EFCAB5: variants seen among roughly 807,000 people sequenced by gnomAD.
EFCAB5 encodes EF-hand calcium-binding domain-containing protein 5.
EFCAB5 carries 131 observed loss-of-function variants against 167.9 expected under a neutral mutation model. That is an observed-to-expected ratio of 0.78 (90% CI 0.68 to 0.90). The LOEUF is 0.90. Among genes scored for constraint, EFCAB5 ranks in the 40% least tolerant of loss-of-function variants. EFCAB5 has a pLI of 0.00. For synonymous variants in EFCAB5, 574 were observed against 602.8 expected (o/e 0.95, Z 0.70); for missense variants, 1,663 against 1,745.2 (o/e 0.95, Z 0.84).
chr17:30,060,237 T>A (rs548577794), intron 14 of EFCAB5, among the ~76,000 whole-genome samples: 19 of 151,602 alleles, frequency 1.3e-4, no homozygotes, highest in Middle Eastern at 3.2e-3. Flanking sequence ...AAAAAAAATT[T>A]AAAAAAAAGG....
intron 14 of EFCAB5, 63 bp downstream of exon 14, chr17:30,059,764 A>T: frequency 1.5e-5 from 21 of 1,406,188 alleles, no homozygotes; most frequent in Non-Finnish European, 2.0e-5. Flanking sequence ...GTTTCTCAGT[A>T]CACATATACA....
intron 7 of EFCAB5, among the ~76,000 whole-genome samples, chr17:30,032,400 G>A (rs1006491672): frequency 2.0e-5 from 3 of 152,104 alleles, no homozygotes; most frequent in South Asian, 2.1e-4. Context: ...ATGCTACCCC[G>A]AAACATTCCA....
Position 29,968,971 on chromosome 17 carries a change from C to CAAGA in EFCAB5, c.372_375dup (p.Ala126LysfsTer12). 6.3e-7 allele frequency: 1 copy of CAAGA among 1,589,566 alleles called. No homozygotes were observed. The highest frequency in any genetic ancestry group is 8.6e-7 in the Non-Finnish European group (1 of 1,168,190). On this transcript the variant is annotated frameshift_variant, in exon 4 of 23. Coordinates refer to ENST00000394835, the MANE Select transcript of EFCAB5 (RefSeq NM_198529.4). LOFTEE classifies it high-confidence loss of function. The stretch of plus-strand genomic sequence containing the variant: ...AAAAACCTTTTTGAAAGAATGGAGG[C>CAAGA]AAGAGCCCAAGCAATGCAGCAGAAA...
At chr17:30,092,203 A>G in intron 21 of EFCAB5, 46 bp downstream of exon 21, 1 of 1,544,958 alleles carries the variant, frequency 6.5e-7, no homozygotes, top group South Asian at 1.2e-5. Flanking sequence ...AGAATCGCCT[A>G]AACAAATTTA....
chr17:29,961,041 T>A (rs1159787655), intron 3 of EFCAB5, among the ~76,000 whole-genome samples: 1 of 152,148 alleles, frequency 6.6e-6, no homozygotes, highest in African/African-American at 2.4e-5. Flanking sequence ...CCACAATAGC[T>A]GCATCACTTT....
chr17:30,096,677 A>ATATATATATATATAT (rs1193558323), intron 22 of EFCAB5, among the ~76,000 whole-genome samples: 25 of 60,122 alleles, frequency 4.2e-4, no homozygotes, highest in African/African-American at 1.9e-3. Flanking sequence ...ATATATATAT[A>ATATATATATATATAT]TTTTTTTTTT....
intron 7 of EFCAB5, among the ~76,000 whole-genome samples, chr17:30,029,561 C>CTT (rs35394158): frequency 2.1e-5 from 3 of 140,732 alleles, no homozygotes; most frequent in African/African-American, 7.8e-5. Flanking sequence ...TAGCACTAAT[C>CTT]TTTTTTTTTT....
At chr17:30,018,803 T>C (rs146049896) in intron 7 of EFCAB5, among the ~76,000 whole-genome samples, 2 of 152,348 alleles carry the variant, frequency 1.3e-5, no homozygotes, top group African/African-American at 2.4e-5. Context: ...AGTTGTTCTA[T>C]AGCTTAAAGC....
intron 3 of EFCAB5, among the ~76,000 whole-genome samples, chr17:29,959,465 C>T (rs530771920): frequency 2.0e-5 from 3 of 151,938 alleles, no homozygotes; most frequent in Non-Finnish European, 2.9e-5. Flanking sequence ...GAAGCCTGCA[C>T]GGCACTGGGT....
intron 1 of EFCAB5, among the ~76,000 whole-genome samples, chr17:29,935,535 G>T (rs2067237804): frequency 1.3e-5 from 2 of 151,862 alleles, no homozygotes; most frequent in Non-Finnish European, 2.9e-5. Flanking sequence ...CTCCAGCCTG[G>T]GTGACAGAGC....
At chr17:29,942,411 T>C in intron 2 of EFCAB5, 109 bp downstream of exon 2, 1 of 1,072,338 alleles carries the variant, frequency 9.3e-7, no homozygotes, top group African/African-American at 1.6e-5. Flanking sequence ...ATAACTAAAA[T>C]TGCAAAAGGA....
At chr17:29,984,735 A>T (rs969225673) in intron 4 of EFCAB5, among the ~76,000 whole-genome samples, 2 of 152,160 alleles carry the variant, frequency 1.3e-5, no homozygotes, top group Non-Finnish European at 2.9e-5. Flanking sequence ...ATAAATAAAT[A>T]AATAAAAATA....
At chr17:30,031,604 G>A (rs747614378) in intron 7 of EFCAB5, among the ~76,000 whole-genome samples, 35 of 152,130 alleles carry the variant, frequency 2.3e-4, no homozygotes, top group Admixed American at 2.2e-3. Context: ...ACAAATGAAC[G>A]GATATGAGAA....
intron 14 of EFCAB5, among the ~76,000 whole-genome samples, chr17:30,071,908 A>G (rs2070746053): frequency 6.6e-6 from 1 of 152,188 alleles, no homozygotes; most frequent in African/African-American, 2.4e-5. Context: ...AAAGATAAAT[A>G]TTACATGTTC....
chr17:30,003,249 T>A (rs2068702477), intron 7 of EFCAB5, among the ~76,000 whole-genome samples: 1 of 152,234 alleles, frequency 6.6e-6, no homozygotes, highest in Admixed American at 6.5e-5. Context: ...GTTGTTGTTC[T>A]TTTTCAGACA....
chr17:30,002,747 A>T (rs1381538287), intron 7 of EFCAB5, among the ~76,000 whole-genome samples: 12 of 152,204 alleles, frequency 7.9e-5, no homozygotes, highest in Admixed American at 7.9e-4. Flanking sequence ...TTTACAGCAG[A>T]TCTACAGATG....
chr17:29,998,067 T>C (rs1050514742), intron 6 of EFCAB5, among the ~76,000 whole-genome samples: 3 of 152,182 alleles, frequency 2.0e-5, no homozygotes, highest in African/African-American at 7.2e-5. Context: ...AACAATACAT[T>C]GTCTGAAGTC....
intron 3 of EFCAB5, among the ~76,000 whole-genome samples, chr17:29,966,466 A>C (rs1043054875): frequency 2.0e-5 from 3 of 152,120 alleles, no homozygotes; most frequent in African/African-American, 7.2e-5. Context: ...CTTTGTCTTT[A>C]TCAAAAAAGA....
chr17:30,056,062 A>C lies in EFCAB5; in HGVS notation c.2273-2A>C. On this transcript the variant is annotated splice_acceptor_variant, in intron 11 of 22. Coordinates refer to ENST00000394835, the MANE Select transcript of EFCAB5 (RefSeq NM_198529.4). LOFTEE classifies it high-confidence loss of function. ...GCTATGTTATGGAATGTGTTTTTAC[A>C]GGTGAATTTTTTACTTGTAACTGGA... The C allele has an allele frequency of 1.2e-6, 2 of 1,612,922 alleles. No homozygotes were observed. The highest frequency in any genetic ancestry group is 1.7e-6 in the Non-Finnish European group (2 of 1,179,314).
Sources: gnomAD v4.1 joint callset for allele counts (sites outside exome capture counted in the v4.1 genomes callset) on GRCh38, gnomAD v4.1.1 for gene constraint, MANE v1.5 for transcripts, NCBI Gene and HGNC (gene_info 2026-07-23, HGNC 2026-07-21) for gene names.